LYRM4: variants seen among roughly 807,000 people sequenced by gnomAD.
LYRM4 encodes LYR motif-containing protein 4.
A neutral mutation model predicts 11.7 loss-of-function variants in LYRM4; 9 were observed. That is an observed-to-expected ratio of 0.77 (90% CI 0.46 to 1.34). The LOEUF (loss-of-function observed/expected upper bound fraction) is 1.34. LYRM4 is among the 40% of genes most tolerant of loss of function. LYRM4 has a pLI of 0.00. For synonymous variants in LYRM4, 42 were observed against 40.4 expected (o/e 1.04, Z -0.15); for missense variants, 133 against 112.5 (o/e 1.18, Z -0.82).
At chr6:5,089,481 A>G in the LYRM4 span, 1 of 152,220 alleles carries the variant, frequency 6.6e-6, no homozygotes, top group African/African-American at 2.4e-5. Flanking sequence ...ATAATGATTC[A>G]AACAGAGATC....
chr6:5,219,981 G>A (rs1762492857), intron 1 of LYRM4, among the ~76,000 whole-genome samples: 1 of 152,104 alleles, frequency 6.6e-6, no homozygotes, highest in African/African-American at 2.4e-5. Context: ...GATGATGCTC[G>A]CACACACACT....
intron 1 of LYRM4, among the ~76,000 whole-genome samples, chr6:5,245,992 A>G (rs190925760): frequency 2.8e-4 from 42 of 152,312 alleles, no homozygotes; most frequent in Non-Finnish European, 5.3e-4. Context: ...CCCAAAAACA[A>G]TAAGAAACAA....
chr6:5,111,630 G>C (rs1762885506), intron 2 of LYRM4, among the ~76,000 whole-genome samples: 1 of 152,222 alleles, frequency 6.6e-6, no homozygotes, highest in South Asian at 2.1e-4. Context: ...ACGGCTCCGG[G>C]ATCCATCTGG....
chr6:5,094,152 A>C, the LYRM4 span, among the ~76,000 whole-genome samples: 1 of 152,186 alleles, frequency 6.6e-6, no homozygotes, highest in African/African-American at 2.4e-5. Flanking sequence ...CCTTCTAGTA[A>C]TGTGAAAGAA....
rs146749809 is a variant in LYRM4, at chr6:5,256,134, T to G, written c.86+4514A>C. ...AGAAAATTAGTGGCTACGGATGCTA[T>G]TCTAGGGAACATCAGAATTGAAGGA... On this transcript the variant is annotated intron_variant, in intron 1 of 2. Coordinates refer to ENST00000330636, the MANE Select transcript of LYRM4 (RefSeq NM_020408.6). Among the ~76,000 whole-genome samples the G allele has an allele frequency of 3.3e-3, 507 of 152,060 alleles. 5 individuals are homozygous for G. The highest frequency in any genetic ancestry group is 0.011 in the African/African-American group (456 of 41,496).
At chr6:5,168,772 C>T (rs546839812) in intron 2 of LYRM4, among the ~76,000 whole-genome samples, 6 of 152,208 alleles carry the variant, frequency 3.9e-5, no homozygotes, top group Admixed American at 1.3e-4. Flanking sequence ...GACATAGGTA[C>T]TGTGGTTATG....
At chr6:5,041,487 C>G in the LYRM4 span, among the ~76,000 whole-genome samples, 46 of 152,340 alleles carry the variant, frequency 3.0e-4, no homozygotes, top group Non-Finnish European at 6.3e-4. Flanking sequence ...CACCAGCTTA[C>G]TATAGAATGT....
At chr6:5,088,953 T>A in the LYRM4 span, 3 of 152,274 alleles carry the variant, frequency 2.0e-5, no homozygotes, top group Admixed American at 1.3e-4. Flanking sequence ...GATATTTCTC[T>A]GTGCTTCAAA....
At chr6:5,165,742 C>T (rs986153524) in intron 2 of LYRM4, among the ~76,000 whole-genome samples, 16 of 152,082 alleles carry the variant, frequency 1.1e-4, no homozygotes, top group Admixed American at 6.6e-4. Flanking sequence ...GGGGTTTCAC[C>T]GTGGTGGCTA....
the LYRM4 span, among the ~76,000 whole-genome samples, chr6:5,050,022 T>G: frequency 7.9e-5 from 12 of 152,236 alleles, 1 homozygote; most frequent in Admixed American, 3.3e-4. Context: ...GCCATAGACA[T>G]CCAAATCCTG....
At chr6:5,050,975 A>C in the LYRM4 span, among the ~76,000 whole-genome samples, 2 of 152,250 alleles carry the variant, frequency 1.3e-5, no homozygotes, top group Non-Finnish European at 2.9e-5. Context: ...AAATATCAAT[A>C]AAGAGACAGA....
At position 5,212,393 on chromosome 6, in the gene LYRM4, T is replaced by C. The variant is rs191191966; in HGVS notation, c.207+4225A>G. Among the ~76,000 whole-genome samples the C allele has an allele frequency of 2.1e-3, 317 of 152,316 alleles. 1 individual carries two copies. The highest frequency in any genetic ancestry group is 3.1e-3 in the Non-Finnish European group (210 of 68,034). The stretch of plus-strand genomic sequence containing the variant: ...CTGATGTAAAACACCTACGAAGCCT[T>C]GTTAATTGTCTGGGGTAGAAATCCT... On this transcript the variant is annotated intron_variant, in intron 2 of 2. Coordinates refer to ENST00000330636, the MANE Select transcript of LYRM4 (RefSeq NM_020408.6).
the LYRM4 span, chr6:5,043,163 C>G: frequency 1.3e-5 from 2 of 152,266 alleles, no homozygotes; most frequent in African/African-American, 2.4e-5. Context: ...ACTGACTTCT[C>G]AGATAATACC....
At chr6:5,244,645 T>C (rs961795731) in intron 1 of LYRM4, among the ~76,000 whole-genome samples, 4 of 151,908 alleles carry the variant, frequency 2.6e-5, no homozygotes, top group Admixed American at 2.6e-4. Context: ...TGACCTAGCT[T>C]GGGATAGAGG....
chr6:5,068,547 G>A, the LYRM4 span, among the ~76,000 whole-genome samples: 1 of 152,296 alleles, frequency 6.6e-6, no homozygotes, highest in South Asian at 2.1e-4. The surrounding 1 kb of genome is among the most constrained non-coding windows in gnomAD (Gnocchi z 4.0). Flanking sequence ...AATGTCCCAT[G>A]ATCTTGAGGC....
At chr6:5,219,123 C>T (rs1437598446) in intron 1 of LYRM4, among the ~76,000 whole-genome samples, 1 of 152,140 alleles carries the variant, frequency 6.6e-6, no homozygotes, top group Non-Finnish European at 1.5e-5. Context: ...GTAGCTATTG[C>T]TAAACTCATT....
At chr6:5,221,403 C>T (rs569327125) in intron 1 of LYRM4, among the ~76,000 whole-genome samples, 12 of 152,256 alleles carry the variant, frequency 7.9e-5, no homozygotes, top group Admixed American at 3.3e-4. Context: ...CATTCAAAAC[C>T]GAAGTGCCTG....
At chr6:5,179,051 A>G (rs1759900583) in intron 2 of LYRM4, among the ~76,000 whole-genome samples, 1 of 124,650 alleles carries the variant, frequency 8.0e-6, no homozygotes, top group Admixed American at 8.6e-5. Context: ...CCAAAAACAA[A>G]CAAACCAAAA....
chr6:5,252,383 C>T (rs986940309), intron 1 of LYRM4, among the ~76,000 whole-genome samples: 12 of 152,200 alleles, frequency 7.9e-5, no homozygotes, highest in African/African-American at 1.4e-4. Flanking sequence ...AAACCTATTT[C>T]GTTACTTACT....
Sources: allele counts gnomAD v4.1 joint callset (sites outside exome capture counted in the v4.1 genomes callset), GRCh38; gene constraint gnomAD v4.1.1; non-coding constraint Gnocchi (gnomAD v3.1); transcripts MANE v1.5; gene names NCBI Gene and HGNC (gene_info 2026-07-23, HGNC 2026-07-21).